The following SLC17A6 variants were observed in gnomAD, a reference collection of about 807,000 sequenced individuals.
SLC17A6 encodes vesicular glutamate transporter 2.
Under a neutral mutation model 67.1 loss-of-function variants are expected in SLC17A6, and 35 were observed. That is an observed-to-expected ratio of 0.52 (90% CI 0.40 to 0.69). SLC17A6 has a LOEUF of 0.69. Among genes scored for constraint, SLC17A6 ranks in the 30% least tolerant of loss-of-function variants. The pLI, the probability that SLC17A6 is intolerant of heterozygous loss-of-function variation, is 0.00. For missense variants in SLC17A6, 588 were observed against 723.9 expected, an observed-to-expected ratio of 0.81 and a Z score of 2.15; for synonymous variants, 285 against 252.3, an observed-to-expected ratio of 1.13 and a Z score of -1.23.
intron 7 of SLC17A6, 113 bp downstream of exon 7, chr11:22,365,802 A>C: frequency 7.0e-6 from 8 of 1,140,696 alleles, no homozygotes; most frequent in Non-Finnish European, 9.8e-6. Context: ...TATCAATCAT[A>C]ACTTCTTTTA....
chr11:22,342,494 G>A (rs1282941846), intron 2 of SLC17A6, among the ~76,000 whole-genome samples: 1 of 152,164 alleles, frequency 6.6e-6, no homozygotes, highest in Non-Finnish European at 1.5e-5. Context: ...AGGGGAAAAA[G>A]GGTCCCCAGT....
chr11:22,341,935 A>G (rs576213376), intron 2 of SLC17A6, among the ~76,000 whole-genome samples, 155 bp downstream of exon 2: 2 of 152,264 alleles, frequency 1.3e-5, no homozygotes, highest in African/African-American at 4.8e-5. Context: ...AATGGACCCC[A>G]GTAGTGTTAT....
chr11:22,367,006 A>G (rs1027880500), intron 7 of SLC17A6, among the ~76,000 whole-genome samples: 16 of 34,930 alleles, frequency 4.6e-4, no homozygotes, highest in South Asian at 7.5e-4. Context: ...CTCCGTCTCG[A>G]AAAAAAAAAA....
intron 1 of SLC17A6, among the ~76,000 whole-genome samples, chr11:22,339,343 G>A (rs1341064478): frequency 1.3e-5 from 2 of 151,298 alleles, no homozygotes; most frequent in Non-Finnish European, 2.9e-5. Context: ...TCCTTTCTCT[G>A]AGCCTGAAAC....
chr11:22,347,874 A>C (rs1306781746), intron 3 of SLC17A6, among the ~76,000 whole-genome samples: 1 of 152,028 alleles, frequency 6.6e-6, no homozygotes, highest in Non-Finnish European at 1.5e-5. Context: ...GTTATAGTTT[A>C]TTTTCCCCTA....
intron 8 of SLC17A6, among the ~76,000 whole-genome samples, chr11:22,370,720 T>C (rs1407337043): frequency 3.9e-5 from 6 of 152,126 alleles, no homozygotes; most frequent in Admixed American, 3.9e-4. Flanking sequence ...TGTGCAGAAC[T>C]TTATGTGAGA....
At chr11:22,350,541 T>A (rs1247967044) in intron 3 of SLC17A6, among the ~76,000 whole-genome samples, 1 of 152,212 alleles carries the variant, frequency 6.6e-6, no homozygotes, top group Admixed American at 6.5e-5. Context: ...GGCCCTTATT[T>A]TATTTCACAG....
chr11:22,356,938 C>A (rs1194916438), intron 3 of SLC17A6, among the ~76,000 whole-genome samples: 1 of 152,154 alleles, frequency 6.6e-6, no homozygotes, highest in Non-Finnish European at 1.5e-5. Flanking sequence ...TAAAAGTAAT[C>A]TTTTGGCATT....
At position 22,361,070 on chromosome 11, in the gene SLC17A6, G is replaced by C. The variant is rs1226194015; in HGVS notation, c.661+86G>C. ...AATTGAAAATTTGGTAAACTCACCT[G>C]TAAAACCATCTGGGTTTTGTATGAA... On this transcript the variant is annotated intron_variant, in intron 5 of 11. Transcript: ENST00000263160. The C allele has an allele frequency of 2.8e-6, 3 of 1,081,532 alleles. No individual in the cohort carries two copies. The African/African-American group carries it at 4.7e-5, about 17-fold the overall frequency. The allele number at this position is 1,081,532 out of a possible 1,614,324, so 67.0% of individuals were successfully genotyped here. A position where few individuals can be genotyped will look rare whatever the true frequency, so the allele number is the denominator to read the frequency against.
chr11:22,365,858 C>T (rs1461374153), intron 7 of SLC17A6, among the ~76,000 whole-genome samples, 169 bp downstream of exon 7: 1 of 152,106 alleles, frequency 6.6e-6, no homozygotes, highest in East Asian at 1.9e-4. Flanking sequence ...TAGCTATTTC[C>T]TCCATCTGTC....
chr11:22,339,919 AC>A (rs1305686987), intron 1 of SLC17A6, among the ~76,000 whole-genome samples: 4 of 145,752 alleles, frequency 2.7e-5, no homozygotes, highest in East Asian at 2.0e-4. Context: ...AAAAAAAAAA[AC>A]CGCATTGGCT....
At chr11:22,359,308 C>A in intron 3 of SLC17A6, 105 bp from the exon 4 acceptor site, 3 of 587,626 alleles carry the variant, frequency 5.1e-6, no homozygotes, top group Non-Finnish European at 7.9e-6. Context: ...AAATTATTGG[C>A]GATTTTTTTA....
chr11:22,354,166 C>T (rs1432015286), intron 3 of SLC17A6, among the ~76,000 whole-genome samples: 9 of 152,130 alleles, frequency 5.9e-5, no homozygotes, highest in Non-Finnish European at 4.4e-5. Flanking sequence ...TCACCACAAC[C>T]TCTGCCTCCC....
chr11:22,370,125 T>C lies in SLC17A6; in HGVS notation c.978T>C (p.Phe326=). The change falls in exon 8 of 12, where the codon TTT becomes TTC. Residue 326 remains phenylalanine (F), a synonymous_variant. Coordinates refer to ENST00000263160, the MANE Select transcript of SLC17A6 (RefSeq NM_020346.3). ...IVANFCRSWT[F]YLLLISQPAY... ...CAAACTTCTGCAGAAGCTGGACTTTTTATTTATTGCTTATTAGTCAGCCAG... is the reference window on the plus strand; with the variant it reads ...CAAACTTCTGCAGAAGCTGGACTTTCTATTTATTGCTTATTAGTCAGCCAG... 1 of 1,612,468 alleles carries C rather than the reference T, an allele frequency of 6.2e-7. No individual in the cohort carries two copies. Among genetic ancestry groups the C allele is most frequent in the Non-Finnish European group, 8.5e-7 (1 of 1,179,208 alleles).
chr11:22,371,208 C>T (rs1028338105), intron 8 of SLC17A6, among the ~76,000 whole-genome samples: 3 of 151,912 alleles, frequency 2.0e-5, no homozygotes, highest in African/African-American at 7.2e-5. Flanking sequence ...TGTGCCAAGC[C>T]CTTTGCTAAG....
chr11:22,369,691 AT>A (rs887365025), intron 7 of SLC17A6, among the ~76,000 whole-genome samples: 15 of 152,034 alleles, frequency 9.9e-5, no homozygotes, highest in African/African-American at 3.6e-4. Context: ...TTTTGCTGAG[AT>A]ATGGTCTATC....
intron 11 of SLC17A6, among the ~76,000 whole-genome samples, chr11:22,377,120 G>C (rs1856240278): frequency 6.6e-6 from 1 of 151,894 alleles, no homozygotes; most frequent in African/African-American, 2.4e-5. Flanking sequence ...GGAATAAAAA[G>C]ATAAGTAAAT....
At chr11:22,340,941 G>A (rs185990302) in intron 1 of SLC17A6, among the ~76,000 whole-genome samples, 1 of 152,098 alleles carries the variant, frequency 6.6e-6, no homozygotes, top group African/African-American at 2.4e-5. Context: ...CTCAGCTCAG[G>A]GGGTGGATTG....
chr11:22,351,155 T>C (rs1855933116), intron 3 of SLC17A6, among the ~76,000 whole-genome samples: 1 of 152,130 alleles, frequency 6.6e-6, no homozygotes, highest in Non-Finnish European at 1.5e-5. Context: ...TAGAATTGAA[T>C]CAAATAATAA....
Sources: allele counts gnomAD v4.1 joint callset (sites outside exome capture counted in the v4.1 genomes callset), GRCh38; gene constraint gnomAD v4.1.1; transcripts MANE v1.5; gene names NCBI Gene and HGNC (gene_info 2026-07-23, HGNC 2026-07-21).